The following SAMD4A variants were observed in gnomAD, a reference collection of about 807,000 sequenced individuals.
SAMD4A encodes the protein protein Smaug homolog 1.
SAMD4A carries 33 observed loss-of-function variants against 81.3 expected under a neutral mutation model. The observed-to-expected ratio is 0.41, with a 90% confidence interval of 0.31 to 0.54. SAMD4A has a LOEUF of 0.54. SAMD4A is among the 20% of genes least tolerant of loss of function. The pLI, the probability that SAMD4A is intolerant of heterozygous loss-of-function variation, is 0.37. For missense variants in SAMD4A, 854 were observed against 951.1 expected (o/e 0.90, Z 1.34); for synonymous variants, 389 against 382.1 (o/e 1.02, Z -0.21).
intron 2 of SAMD4A, among the ~76,000 whole-genome samples, chr14:54,630,946 G>C (rs1186704081): frequency 7.0e-6 from 1 of 143,248 alleles, no homozygotes; most frequent in Non-Finnish European, 1.6e-5. Context: ...GTGTGTGTGT[G>C]TGTGTGTGTG....
At chr14:54,706,294 A>AG (rs1555345479) in intron 3 of SAMD4A, among the ~76,000 whole-genome samples, 3 of 139,862 alleles carry the variant, frequency 2.1e-5, no homozygotes, top group Non-Finnish European at 3.1e-5. Flanking sequence ...AAAAAAAAAA[A>AG]AAGAAGAAGA....
In SAMD4A at chr14:54,567,882, AG is replaced by A; in HGVS notation, c.-30del. 1.3e-6 allele frequency: 2 copies of A among 1,584,788 alleles called. No homozygotes were observed. Among genetic ancestry groups the A allele is most frequent in the Admixed American group, 1.8e-5 (1 of 57,138 alleles). On this transcript the variant is annotated 5_prime_UTR_variant, in exon 2 of 13. Coordinates refer to ENST00000554335, the MANE Select transcript of SAMD4A (RefSeq NM_015589.6). ...GCGGGCGGGGCGGGCTGGGGCGCCC[AG>A]GGGGCTCTGTAGACCGAGGGCGGCC...
intron 2 of SAMD4A, among the ~76,000 whole-genome samples, chr14:54,685,247 A>G (rs1202810912): frequency 4.1e-5 from 6 of 144,920 alleles, no homozygotes; most frequent in Non-Finnish European, 9.1e-5. Context: ...CTCTGTTCCC[A>G]TTAAACAATA....
intron 2 of SAMD4A, chr14:54,689,676 AAGG>A (rs1248150018): frequency 2.6e-5 from 4 of 152,350 alleles, no homozygotes; most frequent in African/African-American, 9.6e-5. Flanking sequence ...ATACCTTAGA[AAGG>A]AGCCGCCAAG....
intron 3 of SAMD4A, among the ~76,000 whole-genome samples, chr14:54,731,037 C>G (rs988836457): frequency 2.0e-5 from 3 of 152,112 alleles, no homozygotes; most frequent in Non-Finnish European, 4.4e-5. Flanking sequence ...AAATTGAAAG[C>G]CTTTAGTGGT....
intron 2 of SAMD4A, among the ~76,000 whole-genome samples, chr14:54,689,081 G>A (rs1212589764): frequency 2.0e-5 from 3 of 151,864 alleles, no homozygotes; most frequent in South Asian, 2.1e-4. Context: ...AAAGGCGCCC[G>A]CCACCATGCC....
At chr14:54,759,741 T>C (rs1279133370) in intron 6 of SAMD4A, among the ~76,000 whole-genome samples, 1 of 152,166 alleles carries the variant, frequency 6.6e-6, no homozygotes, top group African/African-American at 2.4e-5. Context: ...GACTGAGTGA[T>C]GGTGTGAACA....
chr14:54,691,549 CAAAA>C (rs10610242), intron 2 of SAMD4A, among the ~76,000 whole-genome samples: 2,094 of 101,074 alleles, frequency 0.021, 46 homozygotes, highest in East Asian at 0.069. Context: ...CTTCCCTTCT[CAAAA>C]AAAAAAAAAA....
At chr14:54,714,125 A>T (rs2037059453) in intron 3 of SAMD4A, among the ~76,000 whole-genome samples, 2 of 152,190 alleles carry the variant, frequency 1.3e-5, no homozygotes, top group Non-Finnish European at 2.9e-5. Context: ...GTATAGCATG[A>T]TAGCCTTTTC....
chr14:54,751,649 T>C, intron 6 of SAMD4A, 112 bp downstream of exon 6: 1 of 746,154 alleles, frequency 1.3e-6, no homozygotes, highest in African/African-American at 1.8e-5. Flanking sequence ...CCATGTGGTT[T>C]CCTTACCAAA....
intron 2 of SAMD4A, among the ~76,000 whole-genome samples, chr14:54,663,920 C>T (rs952812299): frequency 2.0e-5 from 3 of 152,166 alleles, no homozygotes; most frequent in Non-Finnish European, 2.9e-5. Flanking sequence ...AGTATGTGCT[C>T]CCAAACCTAA....
chr14:54,699,571 T>C (rs1256909850), intron 2 of SAMD4A, among the ~76,000 whole-genome samples: 1 of 152,216 alleles, frequency 6.6e-6, no homozygotes, highest in East Asian at 1.9e-4. Flanking sequence ...TAAAAGATTT[T>C]TAAGACTTAA....
intron 3 of SAMD4A, among the ~76,000 whole-genome samples, chr14:54,736,712 G>T (rs1002659747): frequency 1.3e-5 from 2 of 152,206 alleles, no homozygotes; most frequent in African/African-American, 4.8e-5. Context: ...TACGGACCCC[G>T]TCCTATGAAT....
intron 2 of SAMD4A, among the ~76,000 whole-genome samples, chr14:54,637,916 C>T (rs186649874): frequency 6.6e-5 from 10 of 152,286 alleles, no homozygotes; most frequent in African/African-American, 2.2e-4. Flanking sequence ...CACCAATAAA[C>T]AACGTGTGCA....
intron 3 of SAMD4A, among the ~76,000 whole-genome samples, chr14:54,708,858 TA>T (rs776558435): frequency 4.0e-4 from 61 of 152,242 alleles, no homozygotes; most frequent in Non-Finnish European, 6.5e-4. Context: ...TGAAAAAAGT[TA>T]ATGACTCCAA....
chr14:54,596,924 T>G (rs1281911924), intron 2 of SAMD4A, among the ~76,000 whole-genome samples: 1 of 152,164 alleles, frequency 6.6e-6, no homozygotes, highest in East Asian at 1.9e-4. Context: ...CCTTCTCTGT[T>G]CATAGCCTTC....
At chr14:54,757,126 T>C (rs953556435) in intron 6 of SAMD4A, among the ~76,000 whole-genome samples, 5 of 152,256 alleles carry the variant, frequency 3.3e-5, no homozygotes, top group African/African-American at 1.2e-4. Context: ...TTTCTCCCTG[T>C]TTCCTTCTCA....
intron 3 of SAMD4A, among the ~76,000 whole-genome samples, chr14:54,733,477 T>A (rs913329122): frequency 6.6e-6 from 1 of 152,220 alleles, no homozygotes; most frequent in Non-Finnish European, 1.5e-5. Flanking sequence ...CTGAGTAATT[T>A]TCAGTATGCT....
intron 2 of SAMD4A, among the ~76,000 whole-genome samples, chr14:54,654,790 A>G (rs1189294910): frequency 6.6e-6 from 1 of 152,210 alleles, no homozygotes; most frequent in African/African-American, 2.4e-5. Flanking sequence ...TTGGTCTGTG[A>G]TACTTGGGAA....
Sources: allele counts gnomAD v4.1 joint callset (sites outside exome capture counted in the v4.1 genomes callset), GRCh38; gene constraint gnomAD v4.1.1; transcripts MANE v1.5; gene names NCBI Gene and HGNC (gene_info 2026-07-23, HGNC 2026-07-21).